Variants in TSPAN5 observed in about 807,000 individuals in gnomAD.
TSPAN5 encodes tetraspanin-5.
A neutral mutation model predicts 37.1 loss-of-function variants in TSPAN5; 10 were observed. The observed-to-expected ratio is 0.27, with a 90% CI of 0.17 to 0.46. The LOEUF is 0.46. Among genes scored for constraint, TSPAN5 ranks in the 20% least tolerant of loss-of-function variants. The pLI, the probability that TSPAN5 is intolerant of heterozygous loss-of-function variation, is 1.00. For missense variants in TSPAN5, 195 were observed against 326.6 expected, an observed-to-expected ratio of 0.60 and a Z score of 3.11; for synonymous variants, 110 against 118.9, an observed-to-expected ratio of 0.93 and a Z score of 0.48.
In TSPAN5 at chr4:98,470,742, C is replaced by T. The variant is rs1458017102; in HGVS notation, c.*1780G>A. On this transcript the variant is annotated 3_prime_UTR_variant, in exon 8 of 8. Transcript: ENST00000305798. Reference sequence around the variant, plus strand: ...AAAAACACACACATGCAGAGCCATACACACACCCAAACAGTGAACACAGTT... The same window carrying T: ...AAAAACACACACATGCAGAGCCATATACACACCCAAACAGTGAACACAGTT... 1 of 152,276 alleles carries T rather than the reference C, an allele frequency of 6.6e-6. No individual in the cohort carries two copies. Among genetic ancestry groups the T allele is most frequent in the Non-Finnish European group, 1.5e-5 (1 of 68,070 alleles). 9.4% of individuals were successfully genotyped at this position (152,276 alleles called of 1,614,324 possible). A position where few individuals can be genotyped will look rare whatever the true frequency, so the allele number is the denominator to read the frequency against.
intron 1 of TSPAN5, among the ~76,000 whole-genome samples, chr4:98,555,428 C>A (rs73832351): frequency 6.6e-6 from 1 of 152,320 alleles, no homozygotes; most frequent in African/African-American, 2.4e-5. Context: ...TCAGTAAAGT[C>A]TTTTCTGGCC....
intron 1 of TSPAN5, among the ~76,000 whole-genome samples, chr4:98,613,401 C>T (rs1430057235): frequency 6.6e-6 from 1 of 152,116 alleles, no homozygotes; most frequent in Non-Finnish European, 1.5e-5. Context: ...TGTAATAAAA[C>T]CTACCCAGGA....
In TSPAN5 at chr4:98,486,819, A is replaced by G; in HGVS notation, c.198T>C (p.Leu66=). ...AAATGAACATCACTCCTCCCACCAC[A>G]AGGAAGAGCCAAACTGGGTCAAAGC... ...LGGFDPVWLF[L]VVGGVMFILG... is the part of the protein sequence containing the mutation. Residue 66 remains leucine, a synonymous_variant, in exon 3 of 8, where the codon CTT becomes CTC. Transcript: ENST00000305798. 1.2e-6 allele frequency: 2 copies of G among 1,614,130 alleles called. No homozygotes were observed. Among genetic ancestry groups the G allele is most frequent in the South Asian group, 2.2e-5 (2 of 91,072 alleles).
intron 7 of TSPAN5, among the ~76,000 whole-genome samples, chr4:98,475,924 A>G (rs1401239976): frequency 2.0e-5 from 3 of 152,082 alleles, no homozygotes; most frequent in Non-Finnish European, 2.9e-5. Flanking sequence ...CAAGAGGCGG[A>G]GCTTTCAGTG....
rs1755911657 is a variant in TSPAN5 at position 98,602,774 on chromosome 4, T to G, written c.81+55372A>C. 5.9e-5 allele frequency among the ~76,000 whole-genome samples: 9 copies of G among 152,212 alleles called. 1 individual carries two copies. The highest frequency in any genetic ancestry group is 5.9e-4 in the Admixed American group (9 of 15,278). ...ATTTATGCAAGGGACTGGTAACCCC[T>G]TTAAATGAAGATGCTCAAACACGGG... On this transcript the variant is annotated intron_variant, in intron 1 of 7. Coordinates refer to ENST00000305798, the MANE Select transcript of TSPAN5 (RefSeq NM_005723.4).
chr4:98,488,474 T>C (rs1753020800), intron 2 of TSPAN5, among the ~76,000 whole-genome samples: 1 of 152,108 alleles, frequency 6.6e-6, no homozygotes, highest in Non-Finnish European at 1.5e-5. Context: ...TTTTAAAAAG[T>C]CTAAGGTTTA....
chr4:98,548,356 T>G (rs188018181), intron 1 of TSPAN5, among the ~76,000 whole-genome samples: 6 of 152,298 alleles, frequency 3.9e-5, no homozygotes, highest in Admixed American at 3.9e-4. Context: ...TTTAGGGTCC[T>G]GTTATTTGCT....
intron 1 of TSPAN5, among the ~76,000 whole-genome samples, chr4:98,649,608 T>C (rs1757141706): frequency 6.6e-6 from 1 of 152,268 alleles, no homozygotes; most frequent in African/African-American, 2.4e-5. Context: ...CACGTTGATA[T>C]GCATGATCTC....
chr4:98,541,165 G>T (rs1333097126), intron 1 of TSPAN5, among the ~76,000 whole-genome samples: 1 of 152,158 alleles, frequency 6.6e-6, no homozygotes, highest in Non-Finnish European at 1.5e-5. Context: ...CTAGACAGGG[G>T]TGGATAAAAC....
At chr4:98,627,348 GT>G (rs959138659) in intron 1 of TSPAN5, among the ~76,000 whole-genome samples, 4 of 151,794 alleles carry the variant, frequency 2.6e-5, no homozygotes, top group Non-Finnish European at 5.9e-5. Context: ...ATCAGTGAAG[GT>G]TTATAGGAGT....
intron 1 of TSPAN5, among the ~76,000 whole-genome samples, chr4:98,651,415 G>A (rs1327328272): frequency 1.3e-5 from 2 of 152,172 alleles, no homozygotes; most frequent in Non-Finnish European, 2.9e-5. Flanking sequence ...GGAGCAACTG[G>A]GAAACTTGGA....
chr4:98,576,435 T>G (rs1037176038), intron 1 of TSPAN5, among the ~76,000 whole-genome samples: 4 of 152,168 alleles, frequency 2.6e-5, no homozygotes, highest in African/African-American at 9.7e-5. Flanking sequence ...GATATTTTGA[T>G]TTAAAAAATG....
intron 1 of TSPAN5, among the ~76,000 whole-genome samples, chr4:98,550,681 A>C (rs1413758076): frequency 6.7e-6 from 1 of 150,346 alleles, no homozygotes; most frequent in Non-Finnish European, 1.5e-5. Context: ...CTAGATCATT[A>C]CTGTACTAGT....
chr4:98,615,234 G>C (rs76770449), intron 1 of TSPAN5, among the ~76,000 whole-genome samples: 1 of 152,212 alleles, frequency 6.6e-6, no homozygotes, highest in African/African-American at 2.4e-5. Flanking sequence ...GGGACCAAGA[G>C]AGCCTAATGC....
chr4:98,522,221 C>T (rs1753872029), intron 1 of TSPAN5, among the ~76,000 whole-genome samples: 1 of 152,224 alleles, frequency 6.6e-6, no homozygotes, highest in African/African-American at 2.4e-5. Context: ...ACTCAGAGTA[C>T]ACTGACTTCT....
chr4:98,500,605 T>C (rs1345449593), intron 2 of TSPAN5, among the ~76,000 whole-genome samples: 1 of 152,172 alleles, frequency 6.6e-6, no homozygotes, highest in Non-Finnish European at 1.5e-5. Context: ...TCCCCACCTA[T>C]GAAATAGAAT....
At chr4:98,484,565 T>G (rs1379232423) in intron 3 of TSPAN5, 1 of 456,156 alleles carries the variant, frequency 2.2e-6, no homozygotes, top group Admixed American at 2.3e-5. Context: ...AATGTGTAGT[T>G]TTCTGCCTGT....
chr4:98,503,571 G>C (rs1753405915), intron 2 of TSPAN5, among the ~76,000 whole-genome samples: 1 of 152,222 alleles, frequency 6.6e-6, no homozygotes, highest in African/African-American at 2.4e-5. Flanking sequence ...TAATTCGGTG[G>C]AATGAAGGTC....
chr4:98,511,604 T>C (rs1753607522), intron 1 of TSPAN5, among the ~76,000 whole-genome samples: 1 of 152,214 alleles, frequency 6.6e-6, no homozygotes, highest in Non-Finnish European at 1.5e-5. Context: ...TGACTACTGT[T>C]TCAAACTGAG....
Sources: gnomAD v4.1 joint callset for allele counts (sites outside exome capture counted in the v4.1 genomes callset) on GRCh38, gnomAD v4.1.1 for gene constraint, MANE v1.5 for transcripts, NCBI Gene and HGNC (gene_info 2026-07-23, HGNC 2026-07-21) for gene names.